Variants in HM13 observed in about 807,000 individuals in gnomAD.
HM13 encodes histocompatibility minor 13.
In HM13, 18 loss-of-function variants were observed where a neutral mutation model predicts 50.0. The ratio of observed to expected loss-of-function variants is 0.36; its 90% CI spans 0.25 to 0.53. HM13 has a LOEUF of 0.53. Ranked by LOEUF, HM13 falls within the 20% of genes least tolerant of loss-of-function variation. The pLI is 0.90. For missense variants in HM13, 393 were observed against 552.4 expected (o/e 0.71, Z 2.89); for synonymous variants, 197 against 232.6 (o/e 0.85, Z 1.39).
chr20:31,525,016 G>A (rs1442801303), intron 1 of HM13, among the ~76,000 whole-genome samples: 1 of 152,002 alleles, frequency 6.6e-6, no homozygotes, highest in Admixed American at 6.6e-5. Flanking sequence ...CCCGGCCTCT[G>A]TGGCTCCTCT....
chr20:31,523,072 A>G (rs1180130914), intron 1 of HM13, among the ~76,000 whole-genome samples: 5 of 144,644 alleles, frequency 3.5e-5, no homozygotes, highest in Admixed American at 1.4e-4. Context: ...TTTTTATGAG[A>G]CAGAGTCTCG....
intron 3 of HM13, among the ~76,000 whole-genome samples, chr20:31,542,125 A>G (rs952813131): frequency 3.3e-5 from 5 of 152,356 alleles, no homozygotes; most frequent in Admixed American, 1.3e-4. Context: ...TGAGGTTCTC[A>G]GGATTCCCTC....
intron 3 of HM13, chr20:31,538,893 A>C (rs1983273226): frequency 4.5e-6 from 1 of 222,468 alleles, no homozygotes; most frequent in African/African-American, 2.3e-5. Flanking sequence ...TGTTACTGTC[A>C]TTATCTGTGT....
intron 2 of HM13, chr20:31,535,558 T>G (rs1983061700): frequency 6.6e-6 from 1 of 152,228 alleles, no homozygotes; most frequent in Non-Finnish European, 1.5e-5. Flanking sequence ...TCCCAAGGGC[T>G]CAGACTGAAA....
chr20:31,518,347 T>C (rs1981931448), intron 1 of HM13, among the ~76,000 whole-genome samples: 1 of 149,800 alleles, frequency 6.7e-6, no homozygotes. Flanking sequence ...TTTTTTTTTT[T>C]CTTTAACAAT....
At chr20:31,563,590 C>A (rs1984738751) in intron 10 of HM13, among the ~76,000 whole-genome samples, 1 of 152,058 alleles carries the variant, frequency 6.6e-6, no homozygotes, top group Non-Finnish European at 1.5e-5. Flanking sequence ...TCCCAAAGTG[C>A]TGGGATTACA....
In HM13 at chr20:31,535,536, G is replaced by C. The variant is rs1303078750; in HGVS notation, c.283-2643G>C. 3.3e-5 allele frequency: 5 copies of C among 152,372 alleles called. No homozygotes were observed. In the East Asian group the frequency reaches 7.7e-4, roughly 24 times the overall value. 9.4% of individuals were successfully genotyped at this position (152,372 alleles called of 1,614,324 possible). A position where few individuals can be genotyped will look rare whatever the true frequency, so the allele number is the denominator to read the frequency against. ...AACAAGAAGCTCAGAGGTGTGGCCT[G>C]AGAGTGATTTGTCCCAAGGGCTCAG... On this transcript the variant is annotated intron_variant, in intron 2 of 12. Transcript: ENST00000398174.
intron 2 of HM13, among the ~76,000 whole-genome samples, chr20:31,531,598 ATTG>A (rs1369297552): frequency 4.6e-5 from 7 of 151,228 alleles, no homozygotes; most frequent in Non-Finnish European, 1.0e-4. Context: ...TGTTGTTGTT[ATTG>A]TTTTGTTTTG....
chr20:31,541,128 A>C (rs1391633553), intron 3 of HM13: 1 of 152,222 alleles, frequency 6.6e-6, no homozygotes, highest in Non-Finnish European at 1.5e-5. Flanking sequence ...ACAGAAGAAT[A>C]ATTTTCTTAA....
At chr20:31,546,799 A>G (rs995458404) in intron 4 of HM13, among the ~76,000 whole-genome samples, 2 of 150,100 alleles carry the variant, frequency 1.3e-5, no homozygotes, top group Non-Finnish European at 3.0e-5. Flanking sequence ...GCGGTGGCTC[A>G]TGCCTGTAAT....
intron 7 of HM13, chr20:31,550,586 G>A (rs961262558): frequency 2.6e-5 from 4 of 155,132 alleles, no homozygotes; most frequent in South Asian, 2.0e-4. Flanking sequence ...TCTCTAATCC[G>A]AAAATCTGAA....
At chr20:31,517,437 G>T (rs777982967) in intron 1 of HM13, among the ~76,000 whole-genome samples, 11 of 152,158 alleles carry the variant, frequency 7.2e-5, no homozygotes, top group Non-Finnish European at 1.5e-4. Context: ...CAGCGAACAG[G>T]ACTGGGTGCC....
intron 7 of HM13, among the ~76,000 whole-genome samples, chr20:31,551,776 G>A (rs751235780): frequency 6.6e-6 from 1 of 152,210 alleles, no homozygotes; most frequent in Non-Finnish European, 1.5e-5. Flanking sequence ...TCAAGAAACA[G>A]CTGTCTTTCT....
chr20:31,546,653 C>G (rs766127162), intron 4 of HM13, among the ~76,000 whole-genome samples: 2 of 151,522 alleles, frequency 1.3e-5, no homozygotes, highest in Non-Finnish European at 2.9e-5. Flanking sequence ...ACTCGGGAGG[C>G]TGAGGCAGGA....
chr20:31,544,388 G>A (rs1016942898), intron 3 of HM13, among the ~76,000 whole-genome samples: 3 of 152,242 alleles, frequency 2.0e-5, no homozygotes, highest in African/African-American at 7.2e-5. Flanking sequence ...CCTTGTGGAA[G>A]GAGTGAATGT....
chr20:31,519,170 C>T (rs1981995592), intron 1 of HM13, among the ~76,000 whole-genome samples: 1 of 152,190 alleles, frequency 6.6e-6, no homozygotes, highest in Non-Finnish European at 1.5e-5. Flanking sequence ...GGCATAACCT[C>T]AGCTCACTGC....
chr20:31,551,088 ACATTT>A (rs986486661), intron 7 of HM13, among the ~76,000 whole-genome samples: 2 of 152,230 alleles, frequency 1.3e-5, no homozygotes, highest in Non-Finnish European at 2.9e-5. Flanking sequence ...TATCCCCAAA[ACATTT>A]CATTATGTAT....
intron 11 of HM13, among the ~76,000 whole-genome samples, chr20:31,566,757 C>T (rs1984942421): frequency 6.6e-6 from 1 of 152,018 alleles, no homozygotes; most frequent in Admixed American, 6.6e-5. Flanking sequence ...TCATTCACCT[C>T]TGTGGCTTTA....
chr20:31,528,464 G>A (rs1003910452), intron 2 of HM13, among the ~76,000 whole-genome samples: 7 of 151,662 alleles, frequency 4.6e-5, no homozygotes, highest in African/African-American at 1.5e-4. Flanking sequence ...TTATAGGCAC[G>A]CACCACCACA....
Sources: allele counts gnomAD v4.1 joint callset (sites outside exome capture counted in the v4.1 genomes callset), GRCh38; gene constraint gnomAD v4.1.1; transcripts MANE v1.5; gene names NCBI Gene and HGNC (gene_info 2026-07-23, HGNC 2026-07-21).